The following ARVCF variants were observed in gnomAD, a reference collection of about 807,000 sequenced individuals.
ARVCF encodes ARVCF delta catenin family member, also known as splicing regulator ARVCF.
A neutral mutation model predicts 90.9 loss-of-function variants in ARVCF; 66 were observed. The observed-to-expected ratio is 0.73, with a 90% CI of 0.60 to 0.89. The LOEUF is 0.89. Among genes scored for constraint, ARVCF ranks in the 40% least tolerant of loss-of-function variants. The pLI, the probability that ARVCF is intolerant of heterozygous loss-of-function variation, is 0.00. For missense variants in ARVCF, 1,469 were observed against 1,382.3 expected (o/e 1.06, Z -1.00); for synonymous variants, 653 against 603.4 (o/e 1.08, Z -1.21).
intron 7 of ARVCF, among the ~76,000 whole-genome samples, chr22:19,978,366 C>CAT (rs752538075): frequency 6.6e-6 from 1 of 152,076 alleles, no homozygotes; most frequent in African/African-American, 2.4e-5. Context: ...GGTGCACTCT[C>CAT]AGAGAGACCT....
chr22:20,008,841 G>A (rs1049669961), intron 2 of ARVCF, among the ~76,000 whole-genome samples: 3 of 152,204 alleles, frequency 2.0e-5, no homozygotes, highest in African/African-American at 7.2e-5. Context: ...CCACATTCCA[G>A]ATGGGCAGGA....
chr22:19,989,597 G>A (rs531574556), intron 3 of ARVCF, among the ~76,000 whole-genome samples: 9 of 152,296 alleles, frequency 5.9e-5, no homozygotes, highest in African/African-American at 1.9e-4. Flanking sequence ...TGTGCCAGGC[G>A]CAGGTCCCCA....
chr22:19,973,709 CCTTGTCGGT>C lies in ARVCF; in HGVS notation c.2164_2172del (p.Thr722_Lys724del). The C allele has an allele frequency of 6.2e-7, 1 of 1,610,080 alleles. No homozygotes were observed. Among genetic ancestry groups the C allele is most frequent in the Non-Finnish European group, 8.5e-7 (1 of 1,179,926 alleles). On this transcript the variant is annotated inframe_deletion, in exon 13 of 20. Coordinates refer to ENST00000263207, the MANE Select transcript of ARVCF (RefSeq NM_001670.3). Reference sequence around the variant, plus strand: ...AGAGCGATGGCGACGGCGCGCACCACCTTGTCGGTCTCAGACTGCAGCAGTTCCACAAGC... The same window carrying C: ...AGAGCGATGGCGACGGCGCGCACCACCTCAGACTGCAGCAGTTCCACAAGC...
At chr22:19,973,864 T>C in intron 12 of ARVCF, 71 bp from the exon 13 acceptor site, 1 of 1,547,644 alleles carries the variant, frequency 6.5e-7, no homozygotes, top group Non-Finnish European at 8.7e-7. Flanking sequence ...CGCTGACCGC[T>C]CTCTCCAGCT....
intron 3 of ARVCF, among the ~76,000 whole-genome samples, chr22:19,988,382 T>C (rs1440088797): frequency 6.6e-6 from 1 of 152,258 alleles, no homozygotes; most frequent in Non-Finnish European, 1.5e-5. Flanking sequence ...GCATCTTATC[T>C]TTAAGCTGGC....
At chr22:19,995,659 C>A (rs1334292421) in intron 2 of ARVCF, among the ~76,000 whole-genome samples, 1 of 152,120 alleles carries the variant, frequency 6.6e-6, no homozygotes, top group Admixed American at 6.5e-5. Context: ...GGGCCCGAGT[C>A]CAGTGTGGGT....
At chr22:19,966,359 T>C (rs1109436), downstream of ARVCF, among the ~76,000 whole-genome samples, 18,077 of 150,758 alleles carry the variant, frequency 0.12, 1,410 homozygotes, top group Middle Eastern at 0.21. Flanking sequence ...AGGGCTGCTT[T>C]GAGGAGGCCT....
Position 19,984,270 on chromosome 22 carries a change from C to A in ARVCF, c.211-2179G>T, listed in dbSNP as rs2146335757. On this transcript the variant is annotated intron_variant, in intron 3 of 19. Transcript: ENST00000263207. Reference sequence around the variant, plus strand: ...GGAAAAGGGGAGGACATCTCAGGACCCCGATGCCACTCTGTGGCCCAGCTT... The same window carrying A: ...GGAAAAGGGGAGGACATCTCAGGACACCGATGCCACTCTGTGGCCCAGCTT... Among the ~76,000 whole-genome samples the A allele has an allele frequency of 1.3e-5, 2 of 152,222 alleles. 1 individual carries two copies. The highest frequency in any genetic ancestry group is 4.1e-4 in the South Asian group (2 of 4,826).
chr22:19,981,037 C>G, intron 5 of ARVCF, 174 bp downstream of exon 5: 1 of 865,388 alleles, frequency 1.2e-6, no homozygotes, highest in Non-Finnish European at 1.7e-6. Flanking sequence ...CAGCCGAACT[C>G]CTACCACCCC....
At chr22:19,986,666 C>G (rs1943786264) in intron 3 of ARVCF, 1 of 177,856 alleles carries the variant, frequency 5.6e-6, no homozygotes, top group South Asian at 1.9e-4. Context: ...CTTCCCTCTT[C>G]AGACTTCAGC....
downstream of ARVCF, chr22:19,967,047 G>A: frequency 9.1e-6 from 11 of 1,210,094 alleles, no homozygotes; most frequent in South Asian, 1.5e-5. Context: ...CAGGACAGGT[G>A]CTGCCTTCTT....
intron 9 of ARVCF, 72 bp downstream of exon 9, chr22:19,977,343 G>A (rs1601589782): frequency 4.1e-6 from 6 of 1,458,154 alleles, no homozygotes; most frequent in East Asian, 2.5e-5. Context: ...GGCTGCTGTG[G>A]GTGTACAGAG....
chr22:19,982,282 C>T (rs1943546573), intron 3 of ARVCF, among the ~76,000 whole-genome samples, 191 bp from the exon 4 acceptor site: 2 of 152,234 alleles, frequency 1.3e-5, no homozygotes, highest in Non-Finnish European at 2.9e-5. Flanking sequence ...TAAGTTCTTG[C>T]CCTCTGAACA....
chr22:19,974,006 G>C (rs919627057), intron 12 of ARVCF, 106 bp downstream of exon 12: 1 of 1,519,550 alleles, frequency 6.6e-7, no homozygotes, highest in Non-Finnish European at 8.8e-7. Flanking sequence ...TGGGGTGGTG[G>C]TGTGGCCCCT....
intron 2 of ARVCF, among the ~76,000 whole-genome samples, chr22:19,998,210 T>C (rs538068550): frequency 4.9e-4 from 75 of 152,218 alleles, no homozygotes; most frequent in South Asian, 2.1e-3. Flanking sequence ...CCAGCCTGAG[T>C]GCACAGGGCC....
At chr22:20,011,347 C>G (rs971219289) in intron 1 of ARVCF, among the ~76,000 whole-genome samples, 1 of 152,028 alleles carries the variant, frequency 6.6e-6, no homozygotes, top group Non-Finnish European at 1.5e-5. Flanking sequence ...GGCTGGGCCT[C>G]GGATGGGAGG....
chr22:19,995,661 A>G (rs549824177), intron 2 of ARVCF, among the ~76,000 whole-genome samples: 1 of 152,256 alleles, frequency 6.6e-6, no homozygotes, highest in East Asian at 1.9e-4. Flanking sequence ...GCCCGAGTCC[A>G]GTGTGGGTTG....
intron 4 of ARVCF, 43 bp downstream of exon 4, chr22:19,981,890 G>A (rs759538958): frequency 3.1e-6 from 5 of 1,602,580 alleles, no homozygotes; most frequent in Non-Finnish European, 3.4e-6. Flanking sequence ...AGCTGCAGCA[G>A]CCTGGCCCTG....
Position 19,973,782 on chromosome 22 carries a change from G to A in ARVCF, c.2100C>T (p.Tyr700=). ...GCTCTTTGCGCACTGTGGCGCGGAT[G>A]TACGTGGCCCACTGCGGAGGCGGGG... ...LSAGNWMWAT[Y]IRATVRKERG... The change falls in exon 13 of 20, where the codon TAC becomes TAT. Residue 700 remains tyrosine, a synonymous_variant. Coordinates refer to ENST00000263207, the MANE Select transcript of ARVCF (RefSeq NM_001670.3). 6.2e-7 allele frequency: 1 copy of A among 1,605,840 alleles called. No individual in the cohort carries two copies.
Sources: allele counts gnomAD v4.1 joint callset (sites outside exome capture counted in the v4.1 genomes callset), GRCh38; gene constraint gnomAD v4.1.1; transcripts MANE v1.5; gene names NCBI Gene and HGNC (gene_info 2026-07-23, HGNC 2026-07-21).